Variants in KHDRBS2 observed in about 807,000 individuals in gnomAD.
KHDRBS2 encodes the protein KH domain-containing, RNA-binding, signal transduction-associated protein 2.
KHDRBS2 carries 26 observed loss-of-function variants against 44.3 expected under a neutral mutation model. The ratio of observed to expected loss-of-function variants is 0.59; its 90% CI spans 0.43 to 0.81. KHDRBS2 has a LOEUF of 0.81. Ranked by LOEUF, KHDRBS2 falls within the 40% of genes least tolerant of loss-of-function variation. KHDRBS2 has a pLI of 0.00. For synonymous variants in KHDRBS2, 194 were observed against 151.1 expected, an observed-to-expected ratio of 1.28 and a Z score of -2.08; for missense variants, 476 against 433.1, an observed-to-expected ratio of 1.10 and a Z score of -0.88.
the KHDRBS2 span, among the ~76,000 whole-genome samples, chr6:61,542,763 G>A: frequency 2.0e-5 from 3 of 151,954 alleles, no homozygotes; most frequent in East Asian, 3.9e-4. Flanking sequence ...ATTAATAATG[G>A]GGGAGAGAGG....
At chr6:62,135,988 G>A (rs1241335584) in intron 2 of KHDRBS2, among the ~76,000 whole-genome samples, 1 of 151,562 alleles carries the variant, frequency 6.6e-6, no homozygotes, top group Non-Finnish European at 1.5e-5. Flanking sequence ...GGTATAGCAA[G>A]AGGACTATAG....
At chr6:62,154,746 C>T (rs1480218576) in intron 2 of KHDRBS2, among the ~76,000 whole-genome samples, 1 of 152,066 alleles carries the variant, frequency 6.6e-6, no homozygotes, top group Admixed American at 6.6e-5. Context: ...GAAGGAACAC[C>T]ATATTCAAAA....
chr6:62,015,015 T>G (rs1236545424), intron 3 of KHDRBS2, among the ~76,000 whole-genome samples: 1 of 152,196 alleles, frequency 6.6e-6, no homozygotes, highest in African/African-American at 2.4e-5. Context: ...AAGGAAAGGC[T>G]AGAAACATTT....
chr6:61,613,013 C>T, the KHDRBS2 span, among the ~76,000 whole-genome samples: 2,859 of 151,928 alleles, frequency 0.019, 52 homozygotes, highest in Non-Finnish European at 0.03. Context: ...CCACAACTCC[C>T]GGCTAATTTT....
At chr6:62,245,400 T>C (rs1835379920) in intron 1 of KHDRBS2, among the ~76,000 whole-genome samples, 1 of 152,112 alleles carries the variant, frequency 6.6e-6, no homozygotes, top group Non-Finnish European at 1.5e-5. Context: ...ATGTGGCTAA[T>C]TCAAAACAGT....
the KHDRBS2 span, among the ~76,000 whole-genome samples, chr6:61,546,451 C>A: frequency 6.6e-6 from 1 of 151,920 alleles, no homozygotes; most frequent in African/African-American, 2.4e-5. Context: ...TGACTTCAAG[C>A]AAAATAACAT....
chr6:62,187,131 C>A (rs1268276228), intron 1 of KHDRBS2, among the ~76,000 whole-genome samples: 1 of 152,092 alleles, frequency 6.6e-6, no homozygotes, highest in Non-Finnish European at 1.5e-5. Flanking sequence ...AAACTTGCAC[C>A]TGGTGCAAAG....
chr6:61,605,243 G>T, the KHDRBS2 span, among the ~76,000 whole-genome samples: 4 of 152,002 alleles, frequency 2.6e-5, no homozygotes, highest in Non-Finnish European at 5.9e-5. Flanking sequence ...CACAAAACTT[G>T]CCATCCCTAC....
chr6:61,902,249 G>A (rs1487731009), intron 4 of KHDRBS2, among the ~76,000 whole-genome samples: 5 of 152,210 alleles, frequency 3.3e-5, no homozygotes, highest in South Asian at 2.1e-4. Flanking sequence ...GTGTCTGGCC[G>A]CAGTGTGAAA....
chr6:62,187,913 T>C (rs1329996036), intron 1 of KHDRBS2, among the ~76,000 whole-genome samples: 2 of 152,070 alleles, frequency 1.3e-5, no homozygotes, highest in East Asian at 3.9e-4. Context: ...CTCATGATTG[T>C]CAGCAGTAGG....
intron 6 of KHDRBS2, among the ~76,000 whole-genome samples, chr6:61,832,831 G>C (rs6929673): frequency 0.015 from 2,273 of 152,184 alleles, 61 homozygotes; most frequent in African/African-American, 0.053. Flanking sequence ...TGTCCAAATG[G>C]CTTGCGTGAT....
At chr6:61,804,505 A>G (rs568091693) in intron 6 of KHDRBS2, among the ~76,000 whole-genome samples, 14 of 152,242 alleles carry the variant, frequency 9.2e-5, no homozygotes, top group Admixed American at 5.2e-4. Context: ...GCAATGTACC[A>G]GTGGGGGCCC....
chr6:62,020,708 A>G (rs954941224), intron 3 of KHDRBS2, among the ~76,000 whole-genome samples: 8 of 152,016 alleles, frequency 5.3e-5, no homozygotes, highest in Non-Finnish European at 8.8e-5. Context: ...CCTTGATACT[A>G]TTCTTTTATC....
At chr6:62,003,223 G>A (rs1778596958) in intron 3 of KHDRBS2, among the ~76,000 whole-genome samples, 1 of 151,948 alleles carries the variant, frequency 6.6e-6, no homozygotes, top group African/African-American at 2.4e-5. Context: ...AGGCTGCAGT[G>A]AGCTACTATT....
At chr6:62,227,219 C>A (rs1434022210) in intron 1 of KHDRBS2, among the ~76,000 whole-genome samples, 3 of 152,058 alleles carry the variant, frequency 2.0e-5, no homozygotes, top group Non-Finnish European at 4.4e-5. Flanking sequence ...TTGTAGTTCC[C>A]TTTTAACAGG....
intron 6 of KHDRBS2, among the ~76,000 whole-genome samples, chr6:61,881,731 T>A (rs1185545417): frequency 6.6e-6 from 1 of 152,022 alleles, no homozygotes; most frequent in Non-Finnish European, 1.5e-5. Context: ...GCTGAATTTC[T>A]ACAATTCACC....
chr6:62,092,127 T>C (rs1799601894), intron 2 of KHDRBS2, among the ~76,000 whole-genome samples: 2 of 152,072 alleles, frequency 1.3e-5, no homozygotes, highest in African/African-American at 4.8e-5. Context: ...AGTTTTTTTT[T>C]TTAATCTTCT....
At chr6:61,712,168 A>C (rs759817385) in intron 7 of KHDRBS2, among the ~76,000 whole-genome samples, 13 of 151,842 alleles carry the variant, frequency 8.6e-5, no homozygotes, top group Non-Finnish European at 1.2e-4. Context: ...CCTAGAGGTG[A>C]CTTTACTGTA....
intron 2 of KHDRBS2, among the ~76,000 whole-genome samples, chr6:62,070,627 A>T (rs564794908): frequency 4.8e-4 from 73 of 152,164 alleles, no homozygotes; most frequent in Middle Eastern, 3.4e-3. Context: ...GCTGAGAATG[A>T]TGGTTTCCAG....
Sources: gnomAD v4.1 joint callset for allele counts (sites outside exome capture counted in the v4.1 genomes callset) on GRCh38, gnomAD v4.1.1 for gene constraint, MANE v1.5 for transcripts, NCBI Gene and HGNC (gene_info 2026-07-23, HGNC 2026-07-21) for gene names.